GIT2: variants seen among roughly 807,000 people sequenced by gnomAD.
GIT2 encodes ARF GTPase-activating protein GIT2.
A neutral mutation model predicts 100.3 loss-of-function variants in GIT2; 32 were observed. That is an observed-to-expected ratio of 0.32 (90% confidence interval 0.24 to 0.43). GIT2 has a LOEUF of 0.43. Ranked by LOEUF, GIT2 falls within the 20% of genes least tolerant of loss-of-function variation. GIT2 has a pLI of 1.00. For missense variants in GIT2, 737 were observed against 975.1 expected (o/e 0.76, Z 3.25); for synonymous variants, 353 against 364.1 (o/e 0.97, Z 0.35).
At chr12:109,982,269 T>C (rs1886449192) in intron 6 of GIT2, 1 of 152,182 alleles carries the variant, frequency 6.6e-6, no homozygotes. Flanking sequence ...AACCCATTCT[T>C]CAAGACCAGC....
chr12:109,961,065 A>C (rs923793174), intron 11 of GIT2, among the ~76,000 whole-genome samples: 2 of 152,132 alleles, frequency 1.3e-5, no homozygotes, highest in African/African-American at 4.8e-5. Context: ...TAAGCCATTT[A>C]TATTTCTTCT....
At position 109,959,711 on chromosome 12, in the gene GIT2, G is replaced by C. The variant is rs1471650014; in HGVS notation, c.1099+136C>G. 15 of 628,072 alleles carry C rather than the reference G, an allele frequency of 2.4e-5. No individual in the cohort carries two copies. The Admixed American group carries it at 4.4e-4, about 18-fold the overall frequency. The allele number at this position is 628,072 out of a possible 1,614,324, so 38.9% of individuals were successfully genotyped here. On this transcript the variant is annotated intron_variant, in intron 12 of 19. Coordinates refer to ENST00000355312, the MANE Select transcript of GIT2 (RefSeq NM_057169.5). ...CTGCACAGGTATCCCGGAACTTAAA[G>C]TAAAAAAACAAACAAAAAACCAAAA... is the stretch of plus-strand genomic sequence containing the variant.
intron 7 of GIT2, among the ~76,000 whole-genome samples, chr12:109,973,323 TAG>T (rs1238659907): frequency 6.6e-6 from 1 of 152,120 alleles, no homozygotes; most frequent in Non-Finnish European, 1.5e-5. Context: ...GTATTTTTAG[TAG>T]AGACGGAGTT....
Position 109,947,343 on chromosome 12 carries a change from G to A in GIT2, c.1554C>T (p.Thr518=), listed in dbSNP as rs145344824. The stretch of plus-strand genomic sequence containing the variant: ...GGAGATATGGTTTCTGACCTGATCC[G>A]GTCTCGTACATGGACATGGGCCTAC... ...RGSRPMSMYE[T]GSGQKPYLPM... The change falls in exon 15 of 20, where the codon ACC becomes ACT. Residue 518 remains threonine, a synonymous_variant. Coordinates refer to ENST00000355312, the MANE Select transcript of GIT2 (RefSeq NM_057169.5). This position sits in a 1 kb window ranked among gnomAD's most constrained non-coding sequence, Gnocchi z 4.3. 1.7e-5 allele frequency: 28 copies of A among 1,613,888 alleles called. No individual in the cohort carries two copies. The African/African-American group carries it at 1.7e-4, about 10-fold the overall frequency.
intron 7 of GIT2, among the ~76,000 whole-genome samples, chr12:109,968,553 A>T (rs1883052176): frequency 6.6e-6 from 1 of 151,998 alleles, no homozygotes; most frequent in African/African-American, 2.4e-5. Context: ...CTTCCTGAGT[A>T]GCTGGGATTA....
intron 16 of GIT2, among the ~76,000 whole-genome samples, chr12:109,940,929 A>C (rs1436272834): frequency 4.0e-5 from 6 of 151,738 alleles, no homozygotes; most frequent in East Asian, 1.9e-4. Flanking sequence ...AAAAAAAAAA[A>C]AAACCCCACA....
Position 109,933,690 on chromosome 12 carries a change from C to G in GIT2, c.2067+332G>C, listed in dbSNP as rs746362013. ...GATCTTGACTCACTGCAACCTCCGC[C>G]TCCTGGGTTCAAGCGATTCTCCTGC... On this transcript the variant is annotated intron_variant, in intron 19 of 19. Transcript: ENST00000355312. The surrounding 1 kb of genome is among the most constrained non-coding windows in gnomAD (Gnocchi z 4.5). The G allele has an allele frequency of 3.8e-6, 1 of 260,858 alleles. No homozygotes were observed. The highest frequency in any genetic ancestry group is 7.5e-6 in the Non-Finnish European group (1 of 134,192). The allele number at this position is 260,858 out of a possible 1,614,324, so 16.2% of individuals were successfully genotyped here.
chr12:109,943,901 G>A (rs574229615), intron 16 of GIT2, among the ~76,000 whole-genome samples: 2 of 151,372 alleles, frequency 1.3e-5, no homozygotes, highest in Admixed American at 6.6e-5. Flanking sequence ...CCATGTTGCT[G>A]AGGCTGGTCT....
chr12:109,953,055 G>A (rs768738735), intron 13 of GIT2, 37 bp downstream of exon 13: 7 of 1,609,986 alleles, frequency 4.3e-6, no homozygotes, highest in Admixed American at 1.7e-5. Flanking sequence ...CTCAGCTGAT[G>A]CGTGCTTGCC....
intron 4 of GIT2, among the ~76,000 whole-genome samples, chr12:109,985,023 T>A (rs1432125593): frequency 6.6e-6 from 1 of 152,180 alleles, no homozygotes; most frequent in Non-Finnish European, 1.5e-5. Flanking sequence ...TCTTATACAG[T>A]CAGAAGATGA....
Position 109,934,006 on chromosome 12 carries a change from GT to G in GIT2, c.2067+15del. The G allele has an allele frequency of 7.2e-7, 1 of 1,387,202 alleles. No homozygotes were observed. The highest frequency in any genetic ancestry group is 1.0e-6 in the Non-Finnish European group (1 of 972,942). 85.9% of individuals were successfully genotyped at this position (1,387,202 alleles called of 1,614,324 possible). On this transcript the variant is annotated intron_variant, in intron 19 of 19. Transcript: ENST00000355312. The surrounding 1 kb of genome is among the most constrained non-coding windows in gnomAD (Gnocchi z 4.5). ...ATTTAAAAGGATTTAAACCAAGTGA[GT>G]AGGAAGTGACTTACTTTGGGGAATA...
Position 109,938,348 on chromosome 12 carries a change from T to G in GIT2, c.2003+32A>C, listed in dbSNP as rs764900858. The G allele has an allele frequency of 3.9e-6, 6 of 1,535,748 alleles. No homozygotes were observed. In the African/African-American group the frequency reaches 8.2e-5, roughly 21 times the overall value. Reference sequence around the variant, plus strand: ...CCCTTTCTGGGCGCATAACTCATGCTCTCCCAAAGCAGGGTCTTCAATCCT... The same window carrying G: ...CCCTTTCTGGGCGCATAACTCATGCGCTCCCAAAGCAGGGTCTTCAATCCT... On this transcript the variant is annotated intron_variant, in intron 18 of 19. Coordinates refer to ENST00000355312, the MANE Select transcript of GIT2 (RefSeq NM_057169.5).
intron 12 of GIT2, among the ~76,000 whole-genome samples, chr12:109,955,523 G>A (rs771706645): frequency 3.3e-5 from 5 of 152,106 alleles, no homozygotes; most frequent in Admixed American, 6.6e-5. Flanking sequence ...CTTGTTCTAC[G>A]TGTGTTTCTG....
intron 7 of GIT2, among the ~76,000 whole-genome samples, chr12:109,970,742 TTGTC>T (rs1883656230): frequency 6.6e-6 from 1 of 152,194 alleles, no homozygotes; most frequent in African/African-American, 2.4e-5. Context: ...TTCTGCAAAA[TTGTC>T]TGGGCTACTC....
At chr12:109,979,876 C>T (rs1319921523) in intron 7 of GIT2, among the ~76,000 whole-genome samples, 1 of 152,120 alleles carries the variant, frequency 6.6e-6, no homozygotes, top group Non-Finnish European at 1.5e-5. Flanking sequence ...TCACTGCATA[C>T]ATGTATGTGA....
intron 6 of GIT2, 40 bp from the exon 7 acceptor site, chr12:109,981,086 A>C (rs56017297): frequency 0.091 from 117,101 of 1,284,240 alleles, 11,146 homozygotes; most frequent in African/African-American, 0.47. Context: ...ATTGCTCACT[A>C]TTCACTGACT....
At chr12:109,986,279 A>G (rs1566015207) in intron 4 of GIT2, among the ~76,000 whole-genome samples, 1 of 152,162 alleles carries the variant, frequency 6.6e-6, no homozygotes, top group Non-Finnish European at 1.5e-5. Flanking sequence ...ATGAACACAG[A>G]TTTTTTAAAA....
At chr12:109,965,417 AG>A in intron 9 of GIT2, 108 bp downstream of exon 9, 1 of 654,672 alleles carries the variant, frequency 1.5e-6, no homozygotes. Context: ...AACAAATAAA[AG>A]TATGAAATAA....
chr12:109,980,617 T>G (rs1414791603), intron 7 of GIT2, among the ~76,000 whole-genome samples: 3 of 152,180 alleles, frequency 2.0e-5, no homozygotes, highest in Non-Finnish European at 4.4e-5. Flanking sequence ...TTCAAATAAC[T>G]ACAAAGGTTA....
Sources: gnomAD v4.1 joint callset for allele counts (sites outside exome capture counted in the v4.1 genomes callset) on GRCh38, gnomAD v4.1.1 for gene constraint, Gnocchi (gnomAD v3.1) non-coding constraint, MANE v1.5 for transcripts, NCBI Gene and HGNC (gene_info 2026-07-23, HGNC 2026-07-21) for gene names.